NUDT3: variants seen among roughly 807,000 people sequenced by gnomAD.
NUDT3 encodes the protein nudix hydrolase 3, also known as diphosphoinositol polyphosphate phosphohydrolase 1.
NUDT3 carries 9 observed loss-of-function variants against 23.6 expected under a neutral mutation model. That is an observed-to-expected ratio of 0.38 (90% CI 0.23 to 0.66). NUDT3 has a LOEUF of 0.66. Among genes scored for constraint, NUDT3 ranks in the 30% least tolerant of loss-of-function variants. The pLI is 0.52. For missense variants in NUDT3, 172 were observed against 218.5 expected, an observed-to-expected ratio of 0.79 and a Z score of 1.34; for synonymous variants, 86 against 82.6, an observed-to-expected ratio of 1.04 and a Z score of -0.22.
chr6:34,330,807 G>C (rs770692271), intron 2 of NUDT3, among the ~76,000 whole-genome samples: 2 of 151,566 alleles, frequency 1.3e-5, no homozygotes, highest in Non-Finnish European at 2.9e-5. Context: ...TCTCCAAAAA[G>C]AAAAAAAGAA....
At chr6:34,351,075 C>A (rs604700) in intron 1 of NUDT3, among the ~76,000 whole-genome samples, 1 of 148,290 alleles carries the variant, frequency 6.7e-6, no homozygotes, top group Non-Finnish European at 1.5e-5. Context: ...GGTGGCCAGG[C>A]GCGGTGGCTC....
chr6:34,355,366 T>C (rs1457338001), intron 1 of NUDT3, among the ~76,000 whole-genome samples: 1 of 152,188 alleles, frequency 6.6e-6, no homozygotes, highest in Non-Finnish European at 1.5e-5. Flanking sequence ...CTTGTATTTT[T>C]GGAATAAATC....
intron 2 of NUDT3, among the ~76,000 whole-genome samples, chr6:34,326,537 G>A (rs930155797): frequency 3.3e-5 from 5 of 152,012 alleles, no homozygotes; most frequent in Non-Finnish European, 7.4e-5. Flanking sequence ...ATTTTTAAAA[G>A]CCAATTTTTC....
intron 2 of NUDT3, among the ~76,000 whole-genome samples, chr6:34,308,148 A>G (rs1198470461): frequency 1.2e-5 from 1 of 81,570 alleles, no homozygotes; most frequent in African/African-American, 4.3e-5. Context: ...AAAAAAAAAA[A>G]AAAAAAAAAA....
intron 2 of NUDT3, among the ~76,000 whole-genome samples, chr6:34,301,030 A>G (rs77131644): frequency 0.095 from 14,403 of 152,216 alleles, 796 homozygotes; most frequent in Non-Finnish European, 0.12. Context: ...TTTTCCCTCA[A>G]TATTATGTTT....
At chr6:34,349,421 C>T (rs188458361) in intron 1 of NUDT3, among the ~76,000 whole-genome samples, 35 of 143,222 alleles carry the variant, frequency 2.4e-4, no homozygotes, top group African/African-American at 7.9e-4. Flanking sequence ...AATATGGAGG[C>T]GTCAGTGGAG....
At position 34,283,009 on chromosome 6, in the gene NUDT3, G is replaced by C. The variant is rs1183886185; in HGVS notation, c.*5744C>G. The C allele has an allele frequency of 6.6e-6, 1 of 151,970 alleles. No homozygotes were observed. The allele number at this position is 151,970 out of a possible 1,614,324, so 9.4% of individuals were successfully genotyped here. ...GTTCCCTATAAGCTCCCCTCCCCAG[G>C]TGGACAGTCTTATTTTCTAAGACAA... On this transcript the variant is annotated 3_prime_UTR_variant, in exon 5 of 5. Transcript: ENST00000607016.
Position 34,389,582 on chromosome 6 carries a change from T to C in NUDT3, c.99+2682A>G, listed in dbSNP as rs371388723. On this transcript the variant is annotated intron_variant, in intron 1 of 4. Coordinates refer to ENST00000607016, the MANE Select transcript of NUDT3 (RefSeq NM_006703.4). ...CTGAGACGGGAGGATTGCTTGAGCA[T>C]AGGAGGTTGAGGCTGCAGTGAGCCA... is the stretch of plus-strand genomic sequence containing the variant. Among the ~76,000 whole-genome samples, 47 of 151,572 alleles carry C rather than the reference T, an allele frequency of 3.1e-4. No homozygotes were observed. The South Asian group carries it at 9.2e-3, about 30-fold the overall frequency.
At chr6:34,351,190 C>A (rs1159406037) in intron 1 of NUDT3, among the ~76,000 whole-genome samples, 1 of 37,480 alleles carries the variant, frequency 2.7e-5, no homozygotes, top group Non-Finnish European at 5.2e-5. Flanking sequence ...TCTCTACACT[C>A]CCCTGCCTAA....
At chr6:34,341,460 G>A (rs1177029928) in intron 2 of NUDT3, among the ~76,000 whole-genome samples, 1 of 152,136 alleles carries the variant, frequency 6.6e-6, no homozygotes, top group African/African-American at 2.4e-5. Flanking sequence ...CAGTTCCATG[G>A]CTAGGATGCA....
At position 34,295,067 on chromosome 6, in the gene NUDT3, A is replaced by G. The variant is rs9469771; in HGVS notation, c.255+574T>C. Among the ~76,000 whole-genome samples the G allele has an allele frequency of 4.7e-3, 712 of 152,114 alleles. 7 individuals are homozygous for G. The highest frequency in any genetic ancestry group is 0.016 in the African/African-American group (664 of 41,490). ...TTCTTCTCTCTCTCTACACTTAGCT[A>G]CCTTTCCTCCTACCTTGGTAGGAGA... On this transcript the variant is annotated intron_variant, in intron 3 of 4. Transcript: ENST00000607016.
At chr6:34,326,985 G>C (rs1311927026) in intron 2 of NUDT3, among the ~76,000 whole-genome samples, 1 of 152,128 alleles carries the variant, frequency 6.6e-6, no homozygotes, top group East Asian at 1.9e-4. Flanking sequence ...AAGAGATAAA[G>C]AGAAAACAGC....
intron 2 of NUDT3, among the ~76,000 whole-genome samples, chr6:34,310,566 A>G (rs1328366601): frequency 6.6e-6 from 1 of 152,024 alleles, no homozygotes; most frequent in Non-Finnish European, 1.5e-5. Context: ...CCACCACCAT[A>G]ATAACCTTCC....
chr6:34,328,900 T>G (rs1764083355), intron 2 of NUDT3, among the ~76,000 whole-genome samples: 1 of 152,144 alleles, frequency 6.6e-6, no homozygotes, highest in African/African-American at 2.4e-5. Flanking sequence ...ATTTCTCTGA[T>G]AAATCCTATG....
At chr6:34,366,514 AG>A (rs1764736742) in intron 1 of NUDT3, among the ~76,000 whole-genome samples, 1 of 123,152 alleles carries the variant, frequency 8.1e-6, no homozygotes. Flanking sequence ...GGAGGGAGGG[AG>A]AGAAGGTAGT....
rs1763270549 is a variant in NUDT3 at position 34,280,698 on chromosome 6, C to T, written c.*8055G>A. ...TCCTGCAACCCAAGAGATTAGGTGA[C>T]CTAATGATGAGAAGGCTAACTTATT... On this transcript the variant is annotated 3_prime_UTR_variant, in exon 5 of 5. Transcript: ENST00000607016. The T allele has an allele frequency of 6.6e-6, 1 of 152,192 alleles. No individual in the cohort carries two copies. Among genetic ancestry groups the T allele is most frequent in the South Asian group, 2.1e-4 (1 of 4,828 alleles). 9.4% of individuals were successfully genotyped at this position (152,192 alleles called of 1,614,324 possible).
chr6:34,290,401 CTTTTTTTTTTT>C (rs952499361), intron 4 of NUDT3, among the ~76,000 whole-genome samples: 4 of 107,342 alleles, frequency 3.7e-5, no homozygotes, highest in African/African-American at 1.0e-4. Context: ...GCTGCTGCTT[CTTTTTTTTTTT>C]TTTTTTTTTT....
chr6:34,303,932 A>T (rs1763636589), intron 2 of NUDT3, among the ~76,000 whole-genome samples: 2 of 152,130 alleles, frequency 1.3e-5, no homozygotes, highest in Non-Finnish European at 2.9e-5. Flanking sequence ...AAAGCCTAAA[A>T]CATTTACTAT....
rs1763263797 is a variant in NUDT3 at position 34,280,021 on chromosome 6, C to G, written c.*8732G>C. The G allele has an allele frequency of 6.6e-6, 1 of 152,316 alleles. No individual in the cohort carries two copies. Among genetic ancestry groups the G allele is most frequent in the Non-Finnish European group, 1.5e-5 (1 of 68,200 alleles). The allele number at this position is 152,316 out of a possible 1,614,324, so 9.4% of individuals were successfully genotyped here. A position where few individuals can be genotyped will look rare whatever the true frequency, so the allele number is the denominator to read the frequency against. ...AAGGTGGGATGGTATCTGCTGTGTA[C>G]CTGTCTCAGACCAAACCTGGGGCTG... is the stretch of plus-strand genomic sequence containing the variant. On this transcript the variant is annotated 3_prime_UTR_variant, in exon 5 of 5. Transcript: ENST00000607016.
Sources: allele counts gnomAD v4.1 joint callset (sites outside exome capture counted in the v4.1 genomes callset), GRCh38; gene constraint gnomAD v4.1.1; transcripts MANE v1.5; gene names NCBI Gene and HGNC (gene_info 2026-07-23, HGNC 2026-07-21).